RASA4: variants seen among roughly 807,000 people sequenced by gnomAD.
RASA4 encodes ras GTPase-activating protein 4.
In RASA4, 5 loss-of-function variants were observed where a neutral mutation model predicts 24.0. That is an observed-to-expected ratio of 0.21 (90% CI 0.11 to 0.44). The LOEUF is 0.44. Among genes scored for constraint, RASA4 ranks in the 20% least tolerant of loss-of-function variants. RASA4 has a pLI of 0.99. For missense variants in RASA4, 38 were observed against 293.0 expected (o/e 0.13, Z 6.35); for synonymous variants, 9 against 132.7 (o/e 0.07, Z 6.41).
chr7:102,603,702 G>A (rs868559883), intron 5 of RASA4, among the ~76,000 whole-genome samples: 186 of 151,122 alleles, frequency 1.2e-3, no homozygotes, highest in African/African-American at 4.4e-3. Context: ...TGGGTGCAGC[G>A]GCTCATTCCT....
chr7:102,595,161 A>G, intron 11 of RASA4, 144 bp downstream of exon 11: 1 of 440,410 alleles, frequency 2.3e-6, no homozygotes. Context: ...GGCATGAGCC[A>G]CTATGCCCAG....
chr7:102,587,351 A>G, intron 18 of RASA4: 3 of 444,398 alleles, frequency 6.8e-6, no homozygotes, highest in Non-Finnish European at 4.0e-6. Flanking sequence ...GAAAAAAAAA[A>G]AAAAAGAAGA....
At chr7:102,614,081 A>C (rs968603920) in intron 1 of RASA4, among the ~76,000 whole-genome samples, 5 of 148,602 alleles carry the variant, frequency 3.4e-5, no homozygotes, top group Admixed American at 6.7e-5. Context: ...CGTCCTCAGA[A>C]GTATGCAAGC....
intron 8 of RASA4, among the ~76,000 whole-genome samples, chr7:102,598,363 AT>A (rs1562797416): frequency 8.2e-6 from 1 of 121,726 alleles, no homozygotes; most frequent in African/African-American, 3.0e-5. Context: ...AAAAAAAAAT[AT>A]ATATATATAT....
chr7:102,610,625 A>C (rs879005664), intron 2 of RASA4, among the ~76,000 whole-genome samples: 39 of 151,828 alleles, frequency 2.6e-4, no homozygotes, highest in African/African-American at 9.2e-4. Context: ...TGGGGTGGCC[A>C]GACTTGGGCT....
chr7:102,590,927 C>T (rs1269892404), intron 16 of RASA4, among the ~76,000 whole-genome samples: 1 of 141,618 alleles, frequency 7.1e-6, no homozygotes, highest in African/African-American at 2.8e-5. Context: ...GCAACAAAAG[C>T]GAAACTCCAT....
At chr7:102,603,152 G>A (rs1790438879) in intron 5 of RASA4, among the ~76,000 whole-genome samples, 2 of 137,354 alleles carry the variant, frequency 1.5e-5, no homozygotes, top group Admixed American at 7.4e-5. Flanking sequence ...GTAGAGATGG[G>A]GTTTCACCAG....
intron 16 of RASA4, among the ~76,000 whole-genome samples, chr7:102,591,948 C>G (rs1790019036): frequency 6.6e-6 from 1 of 152,238 alleles, no homozygotes; most frequent in Non-Finnish European, 1.5e-5. Flanking sequence ...ATTCCCGTGC[C>G]TCAGCCTCCC....
intron 4 of RASA4, among the ~76,000 whole-genome samples, chr7:102,606,673 C>CAAA (rs530052250): frequency 6.3e-5 from 4 of 63,286 alleles, no homozygotes; most frequent in Non-Finnish European, 1.3e-4. Flanking sequence ...GACCCCATCT[C>CAAA]AAAAAAAAAA....
At chr7:102,597,425 A>AT (rs1287427173) in intron 8 of RASA4, among the ~76,000 whole-genome samples, 81 of 6,806 alleles carry the variant, frequency 0.012, 5 homozygotes, top group East Asian at 0.071. Context: ...CTTCTTCTTT[A>AT]TTTATTTTTT....
intron 1 of RASA4, among the ~76,000 whole-genome samples, chr7:102,616,254 C>CA (rs386626898): frequency 0.074 from 250 of 3,388 alleles, no homozygotes; most frequent in Non-Finnish European, 0.12. Flanking sequence ...TTGCGGGGGA[C>CA]ACCCCACCCC....
chr7:102,591,050 G>T (rs150129395), intron 16 of RASA4, among the ~76,000 whole-genome samples: 84 of 122,116 alleles, frequency 6.9e-4, no homozygotes, highest in Non-Finnish European at 8.3e-4. Context: ...TGGGAGGCTG[G>T]GGCAGGAGGA....
chr7:102,606,668 C>A, intron 4 of RASA4, among the ~76,000 whole-genome samples: 1 of 82,770 alleles, frequency 1.2e-5, no homozygotes, highest in African/African-American at 4.0e-5. Flanking sequence ...AGCAAGACCC[C>A]ATCTCAAAAA....
intron 2 of RASA4, among the ~76,000 whole-genome samples, chr7:102,610,275 T>G (rs1790779474): frequency 9.1e-6 from 1 of 110,110 alleles, no homozygotes; most frequent in Non-Finnish European, 2.0e-5. Context: ...CCTCTCCCTC[T>G]TGCTGTCTGT....
chr7:102,610,618 G>A (rs1168203293), intron 2 of RASA4, among the ~76,000 whole-genome samples: 1 of 151,978 alleles, frequency 6.6e-6, no homozygotes, highest in African/African-American at 2.4e-5. Flanking sequence ...CAGGCTCTGG[G>A]GTGGCCAGAC....
In RASA4 at chr7:102,605,885, C is replaced by G; in HGVS notation, c.401G>C (p.Arg134Pro). The change falls in exon 5 of 21, where the codon CGG becomes CCG. Residue 134 changes from arginine (R) to proline (P), a missense_variant. Arg to Pro is a moderately radical substitution (Grantham distance 103, BLOSUM62 -2). Coordinates refer to ENST00000262940, the MANE Select transcript of RASA4 (RefSeq NM_006989.6). ...GGCCTCCAGCACAGAGCAGCGTAGC[C>G]GGCAGGCCCGGGCCCCTGGCCACAC... The part of the protein sequence containing the change: ...LEVWPGARAC[R>P]LRCSVLEARD... 1.3e-6 allele frequency: 2 copies of G among 1,574,944 alleles called. No homozygotes were observed. Among genetic ancestry groups the G allele is most frequent in the South Asian group, 1.1e-5 (1 of 87,026 alleles).
At chr7:102,591,067 G>C in intron 16 of RASA4, among the ~76,000 whole-genome samples, 1 of 119,750 alleles carries the variant, frequency 8.4e-6, no homozygotes, top group Non-Finnish European at 1.7e-5. Context: ...AGGATTGCCT[G>C]AGGCCAGGAG....
chr7:102,598,413 C>CTT (rs754299214), intron 8 of RASA4, among the ~76,000 whole-genome samples: 11 of 87,618 alleles, frequency 1.3e-4, no homozygotes, highest in African/African-American at 4.5e-4. Flanking sequence ...ACTGGGTGTT[C>CTT]TTTTTTTTTT....
In RASA4 at chr7:102,581,574, AC is replaced by A. The variant is rs1789704559; in HGVS notation, c.*1196del. On this transcript the variant is annotated 3_prime_UTR_variant, in exon 21 of 21. Transcript: ENST00000262940. ...CTATGGGAGGGGGAGCTGGTGGGGG[AC>A]CACAGGGACTGACCAAAGAAAGGCA... 1.1e-5 allele frequency: 1 copy of A among 89,476 alleles called. No individual in the cohort carries two copies. The highest frequency in any genetic ancestry group is 3.6e-5 in the African/African-American group (1 of 27,738). 5.5% of individuals were successfully genotyped at this position (89,476 alleles called of 1,614,324 possible). A position where few individuals can be genotyped will look rare whatever the true frequency, so the allele number is the denominator to read the frequency against.
Sources: allele counts gnomAD v4.1 joint callset (sites outside exome capture counted in the v4.1 genomes callset), GRCh38; gene constraint gnomAD v4.1.1; transcripts MANE v1.5; gene names NCBI Gene and HGNC (gene_info 2026-07-23, HGNC 2026-07-21).